CNTNAP2: variants seen among roughly 807,000 people sequenced by gnomAD.
The protein encoded by CNTNAP2 is contactin-associated protein-like 2.
Under a neutral mutation model 155.2 loss-of-function variants are expected in CNTNAP2, and 98 were observed. That is an observed-to-expected ratio of 0.63 (90% confidence interval 0.54 to 0.75). The LOEUF is 0.75. CNTNAP2 is among the 30% of genes least tolerant of loss of function. The pLI is 0.00. For missense variants in CNTNAP2, 1,727 were observed against 1,688.1 expected, an observed-to-expected ratio of 1.02 and a Z score of -0.40; for synonymous variants, 651 against 631.2, an observed-to-expected ratio of 1.03 and a Z score of -0.47.
At position 148,394,399 on chromosome 7, in the gene CNTNAP2, C is replaced by T. The variant is rs909922876; in HGVS notation, c.3715+10511C>T. On this transcript the variant is annotated intron_variant, in intron 22 of 23. Transcript: ENST00000361727. ...CATGGGAGCAAACTGCAGTACTTAT[C>T]ATTGAGCTTTTATTATCACATTTAG... is the stretch of plus-strand genomic sequence containing the variant. 2.6e-5 allele frequency among the ~76,000 whole-genome samples: 4 copies of T among 152,190 alleles called. No individual in the cohort carries two copies. The East Asian group carries it at 7.7e-4, about 29-fold the overall frequency.
At chr7:147,625,349 A>C (rs1267293995) in intron 12 of CNTNAP2, among the ~76,000 whole-genome samples, 1 of 152,180 alleles carries the variant, frequency 6.6e-6, no homozygotes, top group East Asian at 1.9e-4. Flanking sequence ...GCCTGTATCA[A>C]AGTATCTCAT....
At chr7:147,858,091 CT>C (rs1195881211) in intron 13 of CNTNAP2, among the ~76,000 whole-genome samples, 2 of 152,054 alleles carry the variant, frequency 1.3e-5, no homozygotes, top group Non-Finnish European at 2.9e-5. Context: ...TGAAAATACT[CT>C]TTTTTTCTTT....
chr7:147,803,044 T>C (rs1425873243), intron 13 of CNTNAP2, among the ~76,000 whole-genome samples: 1 of 152,152 alleles, frequency 6.6e-6, no homozygotes, highest in Non-Finnish European at 1.5e-5. Flanking sequence ...GAGAAAAATT[T>C]ACGATTGTGA....
In CNTNAP2 at chr7:147,439,212, T is replaced by G. The variant is rs1797599950; in HGVS notation, c.1670+43432T>G. Among the ~76,000 whole-genome samples the G allele has an allele frequency of 2.6e-5, 4 of 152,064 alleles. No individual in the cohort carries two copies. In the South Asian group the frequency reaches 8.3e-4, roughly 31 times the overall value. On this transcript the variant is annotated intron_variant, in intron 10 of 23. Coordinates refer to ENST00000361727, the MANE Select transcript of CNTNAP2 (RefSeq NM_014141.6). ...ATTTGAAGTTTTTCTTATTTTTTGA[T>G]GTAGGCACTTATAGCTATGAACTTT...
intron 10 of CNTNAP2, among the ~76,000 whole-genome samples, chr7:147,448,728 A>C (rs1361016138): frequency 6.6e-6 from 1 of 152,050 alleles, no homozygotes; most frequent in Non-Finnish European, 1.5e-5. Context: ...AACTCAAGGT[A>C]GTATACTATC....
chr7:146,647,854 A>T (rs1799841675), intron 1 of CNTNAP2, among the ~76,000 whole-genome samples: 1 of 152,184 alleles, frequency 6.6e-6, no homozygotes, highest in Non-Finnish European at 1.5e-5. Flanking sequence ...TCATCCTAAG[A>T]AGGGTTCCCG....
At chr7:147,842,487 G>T (rs1317854121) in intron 13 of CNTNAP2, among the ~76,000 whole-genome samples, 1 of 151,530 alleles carries the variant, frequency 6.6e-6, no homozygotes, top group Non-Finnish European at 1.5e-5. Flanking sequence ...TGAGAACAAG[G>T]GGGAAGAGAA....
At chr7:147,995,604 T>G (rs922481937) in intron 15 of CNTNAP2, among the ~76,000 whole-genome samples, 2 of 151,474 alleles carry the variant, frequency 1.3e-5, no homozygotes, top group Admixed American at 6.6e-5. Context: ...CTCAGCTCAC[T>G]GCAAGCTCCT....
At chr7:147,008,425 C>A (rs1450096149) in intron 3 of CNTNAP2, among the ~76,000 whole-genome samples, 3 of 151,994 alleles carry the variant, frequency 2.0e-5, no homozygotes, top group Non-Finnish European at 2.9e-5. Context: ...GTGTGGGAAC[C>A]AGTTTGCTTC....
chr7:146,398,350 G>T (rs192549041), intron 1 of CNTNAP2, among the ~76,000 whole-genome samples: 1 of 151,984 alleles, frequency 6.6e-6, no homozygotes, highest in Non-Finnish European at 1.5e-5. Flanking sequence ...CCTTCTTCAC[G>T]TGGTGGCAAG....
chr7:147,239,795 T>C (rs1803898324), intron 8 of CNTNAP2, among the ~76,000 whole-genome samples: 1 of 152,224 alleles, frequency 6.6e-6, no homozygotes, highest in African/African-American at 2.4e-5. Flanking sequence ...TTTATAGATA[T>C]CATCATCCTC....
At chr7:146,968,041 G>A (rs1797695328) in intron 3 of CNTNAP2, among the ~76,000 whole-genome samples, 1 of 146,338 alleles carries the variant, frequency 6.8e-6, no homozygotes, top group Non-Finnish European at 1.5e-5. Context: ...TTTTGTCAAA[G>A]GCCTTTTCTG....
intron 1 of CNTNAP2, among the ~76,000 whole-genome samples, chr7:146,666,218 G>A (rs1207981516): frequency 6.6e-6 from 1 of 151,884 alleles, no homozygotes; most frequent in Non-Finnish European, 1.5e-5. Flanking sequence ...GCTATTTTTA[G>A]CATCCATATT....
chr7:146,747,989 T>C (rs1044365146), intron 1 of CNTNAP2, among the ~76,000 whole-genome samples: 27 of 151,824 alleles, frequency 1.8e-4, no homozygotes, highest in Admixed American at 2.0e-4. Context: ...GTACAAAATA[T>C]ACTAGTTTTC....
At chr7:147,437,081 C>T (rs1797561604) in intron 10 of CNTNAP2, among the ~76,000 whole-genome samples, 1 of 151,898 alleles carries the variant, frequency 6.6e-6, no homozygotes, top group Admixed American at 6.6e-5. Context: ...ATCTTGGTCT[C>T]GGTGAACACT....
chr7:148,066,520 T>C (rs1321689577), intron 15 of CNTNAP2, among the ~76,000 whole-genome samples: 1 of 152,034 alleles, frequency 6.6e-6, no homozygotes, highest in Admixed American at 6.6e-5. Context: ...TAGTTTGAGA[T>C]GGAGTCTCAC....
intron 13 of CNTNAP2, among the ~76,000 whole-genome samples, chr7:147,759,064 TAA>T (rs1390055120): frequency 6.6e-6 from 1 of 152,178 alleles, no homozygotes; most frequent in African/African-American, 2.4e-5. Context: ...CATGAAGGCT[TAA>T]AGAGAAAGTA....
At chr7:147,507,888 G>T (rs984473918) in intron 11 of CNTNAP2, among the ~76,000 whole-genome samples, 23 of 151,986 alleles carry the variant, frequency 1.5e-4, no homozygotes, top group African/African-American at 5.6e-4. Context: ...TTTGTTTTCT[G>T]TAACTCAGCA....
At chr7:146,909,005 T>C (rs1796211744) in intron 3 of CNTNAP2, among the ~76,000 whole-genome samples, 1 of 150,104 alleles carries the variant, frequency 6.7e-6, no homozygotes, top group Admixed American at 6.6e-5. Context: ...CAAACTACCA[T>C]CAGAGAATAC....
Sources: allele counts gnomAD v4.1 joint callset (sites outside exome capture counted in the v4.1 genomes callset), GRCh38; gene constraint gnomAD v4.1.1; transcripts MANE v1.5; gene names NCBI Gene and HGNC (gene_info 2026-07-23, HGNC 2026-07-21).